The following MYPN variants were observed in gnomAD, a reference collection of about 807,000 sequenced individuals.
MYPN encodes the protein myopalladin.
Under a neutral mutation model 129.4 loss-of-function variants are expected in MYPN, and 63 were observed. The ratio of observed to expected loss-of-function variants is 0.49; its 90% CI spans 0.40 to 0.60. MYPN has a LOEUF of 0.60. Among genes scored for constraint, MYPN ranks in the 20% least tolerant of loss-of-function variants. The pLI is 0.00. For synonymous variants in MYPN, 629 were observed against 600.9 expected, an observed-to-expected ratio of 1.05 and a Z score of -0.68; for missense variants, 1,596 against 1,635.4, an observed-to-expected ratio of 0.98 and a Z score of 0.42.
intron 1 of MYPN, among the ~76,000 whole-genome samples, chr10:68,111,081 T>G (rs909292635): frequency 6.6e-6 from 1 of 152,186 alleles, no homozygotes; most frequent in Admixed American, 6.5e-5. Flanking sequence ...ACTACTACAA[T>G]ATGCTTACAA....
At position 68,170,339 on chromosome 10, in the gene MYPN, A is replaced by G. The variant is rs185894507; in HGVS notation, c.1973+3673A>G. On this transcript the variant is annotated intron_variant, in intron 10 of 19. Coordinates refer to ENST00000358913, the MANE Select transcript of MYPN (RefSeq NM_032578.4). ...CTAAAAACATAGTTCTCAGCACTAT[A>G]TAATTCTTTAATATTCTTTGCCTTC... Among the ~76,000 whole-genome samples the G allele has an allele frequency of 4.5e-3, 680 of 152,342 alleles. 2 individuals carry two copies. Among genetic ancestry groups the G allele is most frequent in the Middle Eastern group, 0.02 (6 of 294 alleles).
chr10:68,137,325 T>C (rs1038744120), intron 2 of MYPN, among the ~76,000 whole-genome samples: 1 of 152,212 alleles, frequency 6.6e-6, no homozygotes, highest in African/African-American at 2.4e-5. Context: ...AAATCCAACC[T>C]TACACAGTTA....
chr10:68,143,091 A>G lies in MYPN; in HGVS notation c.1054A>G (p.Thr352Ala). 6.2e-7 allele frequency: 1 copy of G among 1,614,100 alleles called. No individual in the cohort carries two copies. The highest frequency in any genetic ancestry group is 1.1e-5 in the South Asian group (1 of 91,082). ...TTCTAACATCTATGGGACAGATTCG[A>G]CTTCTGCTGAGATTTATATAGAAGG... ...FASNIYGTDS[T>A]SAEIYIEGVS... The change falls in exon 3 of 20, where the codon ACT becomes GCT. Residue 352 changes from threonine to alanine, a missense_variant. Transcript: ENST00000358913.
At chr10:68,162,132 C>G (rs12258118) in intron 8 of MYPN, 1 of 134,674 alleles carries the variant, frequency 7.4e-6, no homozygotes, top group Admixed American at 9.0e-5. Flanking sequence ...CGTGACACTA[C>G]AGTCCAGCTG....
intron 14 of MYPN, among the ~76,000 whole-genome samples, 198 bp from the exon 15 acceptor site, chr10:68,195,252 C>A (rs140339559): frequency 1.4e-3 from 213 of 152,216 alleles, no homozygotes; most frequent in African/African-American, 4.9e-3. Context: ...AAAGTCGTTA[C>A]CATACTCTTA....
At chr10:68,208,886 A>G (rs2043860110) in intron 19 of MYPN, among the ~76,000 whole-genome samples, 1 of 152,084 alleles carries the variant, frequency 6.6e-6, no homozygotes. Flanking sequence ...TCCAGTTAAG[A>G]TGTCAGAGAG....
chr10:68,206,873 G>T lies in MYPN; in HGVS notation c.3763G>T (p.Val1255Leu), dbSNP rs750655311. ...GTCAGCCAAGAATGAAGCCGGCATC[G>T]TGTCGTGCACTGCCAGGCTGGATAT... is the stretch of plus-strand genomic sequence containing the variant. Reference protein sequence around the residue: ...TLSAKNEAGIVSCTARLDIYA... With the variant: ...TLSAKNEAGILSCTARLDIYA... The change falls in exon 19 of 20, where the codon GTG (valine) becomes TTG (leucine). Residue 1255 changes from valine (V) to leucine (L), a missense_variant. Physicochemically the swap from Val to Leu is conservative, Grantham distance 32. Transcript: ENST00000358913. 2 of 1,614,204 alleles carry T rather than the reference G, an allele frequency of 1.2e-6. No homozygotes were observed. Among genetic ancestry groups the T allele is most frequent in the East Asian group, 2.2e-5 (1 of 44,894 alleles).
intron 10 of MYPN, among the ~76,000 whole-genome samples, chr10:68,169,068 A>G (rs143522563): frequency 7.0e-4 from 104 of 147,924 alleles, no homozygotes; most frequent in African/African-American, 2.5e-3. Context: ...CTTTCCGGCC[A>G]GGCATGGTGG....
intron 13 of MYPN, 97 bp downstream of exon 13, chr10:68,189,223 T>C: frequency 1.2e-6 from 1 of 864,274 alleles, no homozygotes; most frequent in Non-Finnish European, 1.9e-6. Context: ...ATGTTTTTTC[T>C]TCTTTTTTGT....
rs192568841 is a variant in MYPN, at chr10:68,143,864, C to T, written c.1078+749C>T. Among the ~76,000 whole-genome samples the T allele has an allele frequency of 1.7e-4, 26 of 152,312 alleles. No individual in the cohort carries two copies. The East Asian group carries it at 4.2e-3, about 25-fold the overall frequency. ...CCGCCTCCCGGGTTCAAGTGATTCTCGTGCCCCAGCCCCCCGAATAGCTGG... is the reference window on the plus strand; with the variant it reads ...CCGCCTCCCGGGTTCAAGTGATTCTTGTGCCCCAGCCCCCCGAATAGCTGG... On this transcript the variant is annotated intron_variant, in intron 3 of 19. Coordinates refer to ENST00000358913, the MANE Select transcript of MYPN (RefSeq NM_032578.4).
At chr10:68,165,874 C>T in intron 9 of MYPN, 56 bp downstream of exon 9, 1 of 1,392,242 alleles carries the variant, frequency 7.2e-7, no homozygotes, top group Non-Finnish European at 1.0e-6. Flanking sequence ...TGTGAATATG[C>T]AGATTTTGTG....
chr10:68,160,628 A>G (rs1196386133), intron 7 of MYPN, among the ~76,000 whole-genome samples: 1 of 151,974 alleles, frequency 6.6e-6, no homozygotes, highest in Non-Finnish European at 1.5e-5. Context: ...ATAAGAACCT[A>G]CTCTTGGCTG....
intron 1 of MYPN, among the ~76,000 whole-genome samples, chr10:68,091,687 C>T (rs1055298253): frequency 7.3e-5 from 11 of 151,620 alleles, no homozygotes; most frequent in African/African-American, 2.2e-4. Context: ...TGAGCAACTG[C>T]GCCCAGCCTA....
At chr10:68,095,543 G>A (rs1205869443) in intron 1 of MYPN, among the ~76,000 whole-genome samples, 1 of 152,142 alleles carries the variant, frequency 6.6e-6, no homozygotes, top group Non-Finnish European at 1.5e-5. Flanking sequence ...TGAGTACCTA[G>A]AACCAGCCTA....
At chr10:68,168,597 G>T (rs555307991) in intron 10 of MYPN, among the ~76,000 whole-genome samples, 1 of 152,246 alleles carries the variant, frequency 6.6e-6, no homozygotes, top group African/African-American at 2.4e-5. Context: ...ATCAATACAA[G>T]AAGACAAACA....
intron 19 of MYPN, 65 bp from the exon 20 acceptor site, chr10:68,210,221 C>T: frequency 1.9e-6 from 3 of 1,570,526 alleles, no homozygotes; most frequent in Non-Finnish European, 2.6e-6. Flanking sequence ...CAGAATGCAC[C>T]TCTGCAGCGT....
intron 5 of MYPN, among the ~76,000 whole-genome samples, 171 bp from the exon 6 acceptor site, chr10:68,149,869 A>G (rs1428946356): frequency 6.6e-6 from 1 of 152,218 alleles, no homozygotes; most frequent in Non-Finnish European, 1.5e-5. Context: ...CTAGAGAGAA[A>G]TAGAGTCAAT....
chr10:68,184,565 AT>A (rs1159319796), intron 12 of MYPN, among the ~76,000 whole-genome samples: 1 of 152,208 alleles, frequency 6.6e-6, no homozygotes, highest in Non-Finnish European at 1.5e-5. Context: ...AGTAGCTGGA[AT>A]TACAGGCACA....
chr10:68,105,031 G>C (rs942954482), upstream of MYPN, among the ~76,000 whole-genome samples: 2 of 152,102 alleles, frequency 1.3e-5, no homozygotes, highest in Non-Finnish European at 2.9e-5. Context: ...TGAGCCACCC[G>C]CCTCAGCCTG....
Sources: gnomAD v4.1 joint callset for allele counts (sites outside exome capture counted in the v4.1 genomes callset) on GRCh38, gnomAD v4.1.1 for gene constraint, MANE v1.5 for transcripts, NCBI Gene and HGNC (gene_info 2026-07-23, HGNC 2026-07-21) for gene names.